Variants in PCDH15 observed in about 807,000 individuals in gnomAD.
The protein encoded by PCDH15 is protocadherin related 15, also known as protocadherin-15.
In PCDH15, 129 loss-of-function variants were observed where a neutral mutation model predicts 178.5. That is an observed-to-expected ratio of 0.72 (90% CI 0.63 to 0.84). The LOEUF is 0.84. Among genes scored for constraint, PCDH15 ranks in the 40% least tolerant of loss-of-function variants. The pLI is 0.00. For missense variants in PCDH15, 2,230 were observed against 2,099.9 expected (o/e 1.06, Z -1.21); for synonymous variants, 800 against 732.0 (o/e 1.09, Z -1.50).
chr10:55,114,239 C>T (rs924164527), intron 2 of PCDH15, among the ~76,000 whole-genome samples: 2 of 152,200 alleles, frequency 1.3e-5, no homozygotes, highest in African/African-American at 4.8e-5. Context: ...GAGTGAACCA[C>T]CGTGCCTGGC....
At chr10:55,481,074 T>A (rs745640150) in intron 2 of PCDH15, among the ~76,000 whole-genome samples, 65 of 151,848 alleles carry the variant, frequency 4.3e-4, no homozygotes, top group Non-Finnish European at 5.7e-4. Context: ...GGTGTGTGTA[T>A]GTGTACAGAA....
chr10:54,802,366 G>A (rs1009171776), upstream of PCDH15, among the ~76,000 whole-genome samples: 1 of 152,180 alleles, frequency 6.6e-6, no homozygotes, highest in African/African-American at 2.4e-5. Context: ...TCTGAGGCAA[G>A]CCAAATGTGT....
intron 2 of PCDH15, among the ~76,000 whole-genome samples, chr10:55,358,013 G>C (rs1207632452): frequency 6.6e-6 from 1 of 152,056 alleles, no homozygotes; most frequent in East Asian, 1.9e-4. Context: ...AAGAATATTA[G>C]CATAAAGCAG....
At chr10:54,653,646 T>C (rs941648190) in intron 2 of PCDH15, among the ~76,000 whole-genome samples, 19 of 152,174 alleles carry the variant, frequency 1.2e-4, no homozygotes, top group African/African-American at 3.4e-4. Context: ...CCTTGTGCGA[T>C]TGGGGTCATA....
chr10:54,305,874 A>G (rs1484178530), intron 8 of PCDH15, among the ~76,000 whole-genome samples: 1 of 152,046 alleles, frequency 6.6e-6, no homozygotes, highest in East Asian at 1.9e-4. Flanking sequence ...CAGCCAAAGA[A>G]TATGGGATGA....
chr10:55,107,897 T>C (rs1837396519), intron 2 of PCDH15, among the ~76,000 whole-genome samples: 1 of 152,178 alleles, frequency 6.6e-6, no homozygotes. Context: ...ACTTCTGTTA[T>C]AGACTGACTA....
chr10:54,892,982 C>G (rs1205475943), intron 3 of PCDH15, among the ~76,000 whole-genome samples: 1 of 151,906 alleles, frequency 6.6e-6, no homozygotes, highest in Admixed American at 6.6e-5. Flanking sequence ...TATAATACAT[C>G]TCCTCCTGGA....
chr10:55,349,739 T>A (rs957479076), intron 2 of PCDH15, among the ~76,000 whole-genome samples: 32 of 152,130 alleles, frequency 2.1e-4, no homozygotes, highest in African/African-American at 7.0e-4. Context: ...TCATTTTCAT[T>A]ATCCTATTGT....
At chr10:55,237,059 CTA>C (rs1381151276) in intron 1 of PCDH15, among the ~76,000 whole-genome samples, 2 of 152,076 alleles carry the variant, frequency 1.3e-5, no homozygotes. Flanking sequence ...TTTTAAAAAA[CTA>C]TAAATTTATG....
At chr10:54,208,521 C>T (rs747619636) in intron 10 of PCDH15, among the ~76,000 whole-genome samples, 5 of 152,012 alleles carry the variant, frequency 3.3e-5, no homozygotes, top group Non-Finnish European at 7.4e-5. Flanking sequence ...CCCTCTCATC[C>T]TCTCATCCTC....
intron 21 of PCDH15, among the ~76,000 whole-genome samples, chr10:53,962,176 T>C (rs956745970): frequency 1.3e-5 from 2 of 152,188 alleles, no homozygotes; most frequent in African/African-American, 2.4e-5. Context: ...CCTTTAATTA[T>C]GTGAATTACA....
intron 2 of PCDH15, among the ~76,000 whole-genome samples, chr10:55,474,727 A>G (rs889442138): frequency 1.3e-5 from 2 of 152,142 alleles, no homozygotes; most frequent in African/African-American, 2.4e-5. Flanking sequence ...CTGCCTCTCA[A>G]TTGCAGCTGT....
At chr10:54,999,300 A>C (rs1839734323) in intron 2 of PCDH15, among the ~76,000 whole-genome samples, 1 of 73,700 alleles carries the variant, frequency 1.4e-5, no homozygotes, top group Non-Finnish European at 3.0e-5. Context: ...GAAATAAATA[A>C]AGAAAATTTT....
chr10:54,477,500 G>A (rs2078359006), intron 3 of PCDH15, among the ~76,000 whole-genome samples: 1 of 152,210 alleles, frequency 6.6e-6, no homozygotes, highest in Admixed American at 6.5e-5. Context: ...AGATCAGTGA[G>A]TATGTGTTTT....
At chr10:55,473,128 A>G (rs981237559) in intron 2 of PCDH15, among the ~76,000 whole-genome samples, 7 of 152,188 alleles carry the variant, frequency 4.6e-5, no homozygotes, top group Non-Finnish European at 5.9e-5. Context: ...TTAACAGTTG[A>G]GGACTGTTTA....
chr10:54,326,771 G>A (rs1055085639), intron 7 of PCDH15, among the ~76,000 whole-genome samples: 27 of 151,980 alleles, frequency 1.8e-4, no homozygotes, highest in East Asian at 3.9e-4. Context: ...AAACAAAAAC[G>A]GAGTATTGTT....
At chr10:55,154,271 A>AGT (rs950687238) in intron 2 of PCDH15, among the ~76,000 whole-genome samples, 13 of 152,200 alleles carry the variant, frequency 8.5e-5, no homozygotes, top group African/African-American at 3.1e-4. Flanking sequence ...AATGAAAACA[A>AGT]GTATAATATT....
chr10:54,191,639 C>T (rs1310906652), intron 11 of PCDH15, among the ~76,000 whole-genome samples: 1 of 151,418 alleles, frequency 6.6e-6, no homozygotes, highest in African/African-American at 2.4e-5. Flanking sequence ...AAATGTGGGC[C>T]AGACGCAGTG....
rs11438530 is a variant in PCDH15 at position 53,834,518 on chromosome 10, GTT to G, written c.3984-2987_3984-2986del. ...AAATCCAGCATCAACACAGAAATGT[GTT>G]TTTTTTTTTTTTCTCGTCATTTTCA... On this transcript the variant is annotated intron_variant, in intron 29 of 37. Coordinates refer to ENST00000644397, the MANE Select transcript of PCDH15 (RefSeq NM_001384140.1). Among the ~76,000 whole-genome samples, 111 of 141,656 alleles carry G rather than the reference GTT, an allele frequency of 7.8e-4. 1 individual carries two copies. The highest frequency in any genetic ancestry group is 3.5e-3 in the East Asian group (17 of 4,886). The allele number at this position is 141,656 out of a possible 152,430, so 92.9% of individuals were successfully genotyped here.
Sources: allele counts gnomAD v4.1 joint callset (sites outside exome capture counted in the v4.1 genomes callset), GRCh38; gene constraint gnomAD v4.1.1; transcripts MANE v1.5; gene names NCBI Gene and HGNC (gene_info 2026-07-23, HGNC 2026-07-21).